The following TLE4 variants were observed in gnomAD, a reference collection of about 807,000 sequenced individuals.
The protein encoded by TLE4 is transducin-like enhancer protein 4.
Under a neutral mutation model 92.8 loss-of-function variants are expected in TLE4, and 8 were observed. The ratio of observed to expected loss-of-function variants is 0.09; its 90% CI spans 0.05 to 0.16. The LOEUF (loss-of-function observed/expected upper bound fraction) is 0.16, where lower values mean the gene tolerates loss of function less well. Among genes scored for constraint, TLE4 ranks in the 10% least tolerant of loss-of-function variants. The pLI is 1.00. For synonymous variants in TLE4, 371 were observed against 374.1 expected, an observed-to-expected ratio of 0.99 and a Z score of 0.10; for missense variants, 675 against 997.6, an observed-to-expected ratio of 0.68 and a Z score of 4.36.
intron 6 of TLE4, among the ~76,000 whole-genome samples, chr9:79,634,692 G>A (rs2055237038): frequency 6.6e-6 from 1 of 152,076 alleles, no homozygotes; most frequent in Non-Finnish European, 1.5e-5. Flanking sequence ...TTGAAAATGT[G>A]TCTTCTTCCA....
chr9:79,721,116 T>C (rs895618206), intron 16 of TLE4, among the ~76,000 whole-genome samples: 5 of 152,218 alleles, frequency 3.3e-5, no homozygotes, highest in African/African-American at 1.2e-4. Context: ...AAACAAATCA[T>C]CACTTTCATT....
intron 8 of TLE4, among the ~76,000 whole-genome samples, chr9:79,683,059 G>A (rs1464207527): frequency 2.0e-5 from 3 of 152,152 alleles, no homozygotes; most frequent in Non-Finnish European, 2.9e-5. Flanking sequence ...GCATAAACAA[G>A]TAAACAAAGA....
intron 6 of TLE4, among the ~76,000 whole-genome samples, chr9:79,635,776 T>G (rs1035452196): frequency 2.6e-5 from 4 of 152,170 alleles, no homozygotes; most frequent in African/African-American, 9.6e-5. Flanking sequence ...GACTATAGCT[T>G]TCATTATTGA....
intron 8 of TLE4, chr9:79,671,077 A>G (rs1293539577): frequency 1.9e-5 from 5 of 260,868 alleles, no homozygotes; most frequent in Admixed American, 1.6e-4. Context: ...AATCTACAAA[A>G]TGGATCTTGT....
At chr9:79,644,707 C>T (rs2057805135) in intron 6 of TLE4, among the ~76,000 whole-genome samples, 1 of 152,250 alleles carries the variant, frequency 6.6e-6, no homozygotes, top group Non-Finnish European at 1.5e-5. Flanking sequence ...GCTACCAGCC[C>T]AGTCCTGGGC....
Position 79,705,811 on chromosome 9 carries a change from A to T in TLE4, c.730-78A>T, listed in dbSNP as rs914679673. On this transcript the variant is annotated intron_variant, in intron 9 of 19. Transcript: ENST00000376552. ...AGCTCATCTTTATAAGATATGAGGAATTAGTCTGGACTTACTTAGGGTAAA... is the reference window on the plus strand; with the variant it reads ...AGCTCATCTTTATAAGATATGAGGATTTAGTCTGGACTTACTTAGGGTAAA... 4 of 1,360,230 alleles carry T rather than the reference A, an allele frequency of 2.9e-6. No individual in the cohort carries two copies. In the African/African-American group the frequency reaches 4.3e-5, roughly 15 times the overall value. 84.3% of individuals were successfully genotyped at this position (1,360,230 alleles called of 1,614,324 possible).
intron 4 of TLE4, among the ~76,000 whole-genome samples, chr9:79,592,207 T>TTCC (rs2042786136): frequency 8.4e-6 from 1 of 119,380 alleles, no homozygotes; most frequent in Admixed American, 8.0e-5. Context: ...CTTCTTCTTC[T>TTCC]TCTTCTTCCT....
At chr9:79,614,632 C>T (rs906115831) in intron 5 of TLE4, among the ~76,000 whole-genome samples, 3 of 152,126 alleles carry the variant, frequency 2.0e-5, no homozygotes, top group Non-Finnish European at 4.4e-5. Context: ...CTATTTATTT[C>T]CCAAATACTT....
At chr9:79,586,116 T>C (rs2041021501) in intron 4 of TLE4, among the ~76,000 whole-genome samples, 1 of 152,218 alleles carries the variant, frequency 6.6e-6, no homozygotes, top group African/African-American at 2.4e-5. Flanking sequence ...CTTACGCCTG[T>C]AATCCCAGCA....
chr9:79,619,819 A>C (rs1370099570), intron 5 of TLE4, among the ~76,000 whole-genome samples: 4 of 152,356 alleles, frequency 2.6e-5, no homozygotes, highest in Admixed American at 2.6e-4. Context: ...TCTGATTTTC[A>C]CATTAGGTTG....
chr9:79,670,838 G>T (rs1484452046), intron 8 of TLE4, among the ~76,000 whole-genome samples: 1 of 151,760 alleles, frequency 6.6e-6, no homozygotes, highest in Admixed American at 6.6e-5. Context: ...CATGGGAGTG[G>T]TAAAGTTGCC....
chr9:79,684,906 A>T (rs1017111596), intron 8 of TLE4, among the ~76,000 whole-genome samples: 1 of 152,218 alleles, frequency 6.6e-6, no homozygotes, highest in Non-Finnish European at 1.5e-5. Context: ...ATTGCAGCCA[A>T]TATTGCAGTC....
At chr9:79,585,816 A>G (rs1251476578) in intron 4 of TLE4, among the ~76,000 whole-genome samples, 1 of 151,480 alleles carries the variant, frequency 6.6e-6, no homozygotes, top group Non-Finnish European at 1.5e-5. Flanking sequence ...CTTTTTTTTC[A>G]TGTAAACCCC....
In TLE4 at chr9:79,726,549, A is replaced by G. The variant is rs1039554928; in HGVS notation, c.*1405A>G. On this transcript the variant is annotated 3_prime_UTR_variant, in exon 20 of 20. Transcript: ENST00000376552. ...GTTCCTAATGTGGTAGCAGAAAAAA[A>G]AAAATGGTGTCTTAAGTGCTTAGTG... 2.6e-5 allele frequency: 4 copies of G among 152,608 alleles called. No homozygotes were observed. The highest frequency in any genetic ancestry group is 4.4e-5 in the Non-Finnish European group (3 of 68,032). 9.5% of individuals were successfully genotyped at this position (152,608 alleles called of 1,614,324 possible).
At chr9:79,707,268 A>G (rs781620323) in intron 11 of TLE4, 3 of 1,457,220 alleles carry the variant, frequency 2.1e-6, no homozygotes, top group Middle Eastern at 1.7e-4. Context: ...GCTTTGTTTG[A>G]ATTACCAAGC....
chr9:79,716,787 A>C (rs2074581699), intron 14 of TLE4, among the ~76,000 whole-genome samples: 3 of 152,146 alleles, frequency 2.0e-5, no homozygotes, highest in African/African-American at 7.2e-5. Flanking sequence ...ACCATCTGAC[A>C]TTTTGATAGT....
At chr9:79,722,865 G>T in intron 18 of TLE4, 94 bp from the exon 19 acceptor site, 1 of 1,204,802 alleles carries the variant, frequency 8.3e-7, no homozygotes, top group Non-Finnish European at 1.2e-6. Context: ...AAATGGATGA[G>T]TTTTCTGTTA....
At chr9:79,588,362 A>T (rs1263625891) in intron 4 of TLE4, among the ~76,000 whole-genome samples, 1 of 151,942 alleles carries the variant, frequency 6.6e-6, no homozygotes, top group Non-Finnish European at 1.5e-5. Flanking sequence ...GTTGGCCAGG[A>T]TGGGCTTGAT....
At chr9:79,639,096 T>C (rs1270708908) in intron 6 of TLE4, among the ~76,000 whole-genome samples, 1 of 152,104 alleles carries the variant, frequency 6.6e-6, no homozygotes, top group Admixed American at 6.6e-5. Flanking sequence ...AATATGGTTA[T>C]GTGAAGGCAT....
Sources: allele counts gnomAD v4.1 joint callset (sites outside exome capture counted in the v4.1 genomes callset), GRCh38; gene constraint gnomAD v4.1.1; transcripts MANE v1.5; gene names NCBI Gene and HGNC (gene_info 2026-07-23, HGNC 2026-07-21).